Variants in OMA1 observed in about 807,000 individuals in gnomAD.
OMA1 encodes the protein OMA1 zinc metallopeptidase, also known as metalloendopeptidase OMA1, mitochondrial.
OMA1 carries 38 observed loss-of-function variants against 30.9 expected under a neutral mutation model. That is an observed-to-expected ratio of 1.23 (90% confidence interval 0.95 to 1.61). The LOEUF (loss-of-function observed/expected upper bound fraction) is 1.61. Among genes scored for constraint, OMA1 ranks in the 40% most tolerant of loss-of-function variants. The pLI is 0.00. For missense variants in OMA1, 461 were observed against 349.2 expected, an observed-to-expected ratio of 1.32 and a Z score of -2.55; for synonymous variants, 173 against 121.9, an observed-to-expected ratio of 1.42 and a Z score of -2.76.
At chr1:58,527,650 T>A (rs1297892364) in intron 6 of OMA1, among the ~76,000 whole-genome samples, 1 of 152,206 alleles carries the variant, frequency 6.6e-6, no homozygotes, top group Non-Finnish European at 1.5e-5. Context: ...CTAAGAAAGC[T>A]TATTGATGAA....
intron 8 of OMA1, 33 bp from the exon 9 acceptor site, chr1:58,481,207 T>C (rs764532980): frequency 3.2e-5 from 22 of 695,520 alleles, no homozygotes; most frequent in Non-Finnish European, 4.9e-5. Flanking sequence ...AAAAATACTA[T>C]ATATATACAT....
At chr1:58,528,703 T>C (rs1646388233) in intron 6 of OMA1, among the ~76,000 whole-genome samples, 1 of 152,180 alleles carries the variant, frequency 6.6e-6, no homozygotes, top group South Asian at 2.1e-4. Flanking sequence ...GCTTTAAATG[T>C]GTCATTCGGT....
chr1:58,513,540 A>C (rs1646113923), intron 7 of OMA1, among the ~76,000 whole-genome samples: 1 of 152,146 alleles, frequency 6.6e-6, no homozygotes, highest in Non-Finnish European at 1.5e-5. Context: ...AGAACTAATA[A>C]TGGCTACCGC....
chr1:58,491,117 C>G (rs908313135), intron 8 of OMA1, among the ~76,000 whole-genome samples: 2 of 151,990 alleles, frequency 1.3e-5, no homozygotes, highest in Non-Finnish European at 2.9e-5. Flanking sequence ...CTTCAACATA[C>G]TTAAAGAAAA....
At position 58,530,707 on chromosome 1, in the gene OMA1, T is replaced by C. The variant is rs752746523; in HGVS notation, c.1034A>G (p.His345Arg). Residue 345 changes from histidine (H) to arginine (R), a missense_variant, in exon 6 of 9, where the codon CAT becomes CGT. His to Arg is a conservative substitution (Grantham distance 29). Coordinates refer to ENST00000371226, the MANE Select transcript of OMA1 (RefSeq NM_145243.5). ...AATCATACCTAGGAAATCCAACAAA[T>C]GAACCATGCCAGCCTTTTCTGCCTA... Reference protein sequence around the residue: ...GHAAEKAGMVHLLDFLGMIFL... With the variant: ...GHAAEKAGMVRLLDFLGMIFL... The C allele has an allele frequency of 2.9e-5, 25 of 872,520 alleles. No individual in the cohort carries two copies. The highest frequency in any genetic ancestry group is 4.9e-5 in the African/African-American group (3 of 61,304). 54.0% of individuals were successfully genotyped at this position (872,520 alleles called of 1,614,324 possible). A position where few individuals can be genotyped will look rare whatever the true frequency, so the allele number is the denominator to read the frequency against.
chr1:58,485,336 T>C (rs1048139272), intron 8 of OMA1, among the ~76,000 whole-genome samples: 1 of 151,100 alleles, frequency 6.6e-6, no homozygotes, highest in Non-Finnish European at 1.5e-5. Flanking sequence ...TTTGTGCTCA[T>C]GCTTTTTTGT....
Position 58,530,621 on chromosome 1 carries a change from T to C in OMA1, c.1120A>G (p.Ile374Val), listed in dbSNP as rs1292667456. The change falls in exon 6 of 9, where the codon ATA (isoleucine) becomes GTA (valine). Residue 374 changes from isoleucine (I) to valine (V), a missense_variant. Ile to Val is a conservative substitution (Grantham distance 29). Transcript: ENST00000371226. The stretch of plus-strand genomic sequence containing the variant: ...CTTACCTCCTGCAATTTAGACTGTA[T>C]CCACTGGCACAAAAGTGCCAAGCTA... ...RDSLALLCQWIQSKLQEYMFN... is the reference protein window; with the variant it reads ...RDSLALLCQWVQSKLQEYMFN... 2 of 872,652 alleles carry C rather than the reference T, an allele frequency of 2.3e-6. No homozygotes were observed. Among genetic ancestry groups the C allele is most frequent in the East Asian group, 2.4e-5 (1 of 41,668 alleles). 54.1% of individuals were successfully genotyped at this position (872,652 alleles called of 1,614,324 possible).
intron 7 of OMA1, among the ~76,000 whole-genome samples, chr1:58,526,761 C>T (rs907065263): frequency 6.6e-5 from 10 of 152,108 alleles, no homozygotes; most frequent in Non-Finnish European, 1.2e-4. Flanking sequence ...TACCTATCAA[C>T]CTGTTTACTC....
chr1:58,541,251 G>A lies in OMA1; in HGVS notation c.-16-1941C>T, dbSNP rs1314790463. Reference sequence around the variant, plus strand: ...GGAGGTTGCAGTGAGCCGAGATGACGCCACTGCATTCCAGCCTGGGCAACA... The same window carrying A: ...GGAGGTTGCAGTGAGCCGAGATGACACCACTGCATTCCAGCCTGGGCAACA... On this transcript the variant is annotated intron_variant, in intron 1 of 8. Coordinates refer to ENST00000371226, the MANE Select transcript of OMA1 (RefSeq NM_145243.5). Among the ~76,000 whole-genome samples, 11 of 113,064 alleles carry A rather than the reference G, an allele frequency of 9.7e-5. No individual in the cohort carries two copies. The Admixed American group carries it at 1.4e-3, about 14-fold the overall frequency. The allele number at this position is 113,064 out of a possible 152,430, so 74.2% of individuals were successfully genotyped here.
chr1:58,490,170 T>A (rs912916210), intron 8 of OMA1, among the ~76,000 whole-genome samples: 1 of 152,084 alleles, frequency 6.6e-6, no homozygotes, highest in Non-Finnish European at 1.5e-5. Flanking sequence ...TTCGAACCCA[T>A]GGCAAAGAAG....
At chr1:58,506,236 C>T (rs905742386) in intron 7 of OMA1, 27 bp from the exon 8 acceptor site, 1 of 854,342 alleles carries the variant, frequency 1.2e-6, no homozygotes, top group Non-Finnish European at 2.0e-6. Context: ...TAAAACCACA[C>T]AATGAGCTCA....
Position 58,536,623 on chromosome 1 carries a change from CA to C in OMA1, c.618del (p.Phe206LeufsTer11). On this transcript the variant is annotated frameshift_variant, in exon 3 of 9. Transcript: ENST00000371226. LOFTEE classifies it high-confidence loss of function. ...FLGLSSFGLL[F>X]VVFYFTHLEV... ...TCCAGGTGAGTAAAATAAAACACCA[CA>C]AAGAGCAATCCAAAACTACTCAAAC... is the stretch of plus-strand genomic sequence containing the variant. The C allele has an allele frequency of 1.1e-6, 1 of 872,802 alleles. No individual in the cohort carries two copies. 54.1% of individuals were successfully genotyped at this position (872,802 alleles called of 1,614,324 possible).
chr1:58,494,337 C>A (rs1645754647), intron 8 of OMA1, among the ~76,000 whole-genome samples: 1 of 151,802 alleles, frequency 6.6e-6, no homozygotes, highest in Non-Finnish European at 1.5e-5. Context: ...CTAGGCAATA[C>A]CATTCAGGAC....
intron 5 of OMA1, among the ~76,000 whole-genome samples, chr1:58,533,403 C>T (rs904067839): frequency 8.5e-5 from 13 of 152,056 alleles, no homozygotes; most frequent in Non-Finnish European, 1.8e-4. Context: ...TAAATACATA[C>T]CTCATTGGGT....
intron 7 of OMA1, among the ~76,000 whole-genome samples, chr1:58,514,439 G>A (rs1298788705): frequency 6.6e-6 from 1 of 152,128 alleles, no homozygotes; most frequent in Non-Finnish European, 1.5e-5. Context: ...GAAATGCAAA[G>A]ATGAAAAGTA....
intron 8 of OMA1, among the ~76,000 whole-genome samples, chr1:58,493,713 A>T (rs1322915558): frequency 6.6e-6 from 1 of 151,860 alleles, no homozygotes; most frequent in Non-Finnish European, 1.5e-5. Flanking sequence ...CTTACAAGGG[A>T]TGTGAAGGAC....
chr1:58,482,028 C>T (rs697593), intron 8 of OMA1, among the ~76,000 whole-genome samples: 1,731 of 152,214 alleles, frequency 0.011, 36 homozygotes, highest in African/African-American at 0.04. Context: ...TTTTTAACTC[C>T]AGGAGAAATA....
In OMA1 at chr1:58,499,589, G is replaced by A. The variant is rs1044586165; in HGVS notation, c.1365+6471C>T. Among the ~76,000 whole-genome samples, 5 of 152,012 alleles carry A rather than the reference G, an allele frequency of 3.3e-5. No homozygotes were observed. In the East Asian group the frequency reaches 7.7e-4, roughly 23 times the overall value. ...TTCTGGAGATCTACTACACAGCATT[G>A]TTACTACAGTTAATAAAAATGTACT... On this transcript the variant is annotated intron_variant, in intron 8 of 8. Transcript: ENST00000371226.
At chr1:58,488,118 TAC>T (rs1645608556) in intron 8 of OMA1, among the ~76,000 whole-genome samples, 1 of 152,180 alleles carries the variant, frequency 6.6e-6, no homozygotes, top group Non-Finnish European at 1.5e-5. Context: ...TTTCTTTAAA[TAC>T]AGATTTAGTA....
Sources: allele counts gnomAD v4.1 joint callset (sites outside exome capture counted in the v4.1 genomes callset), GRCh38; gene constraint gnomAD v4.1.1; transcripts MANE v1.5; gene names NCBI Gene and HGNC (gene_info 2026-07-23, HGNC 2026-07-21).